The following RWDD2B variants were observed in gnomAD, a reference collection of about 807,000 sequenced individuals.
The protein encoded by RWDD2B is RWD domain containing 2B, also known as RWD domain-containing protein 2B.
RWDD2B carries 36 observed loss-of-function variants against 33.6 expected under a neutral mutation model. The observed-to-expected ratio is 1.07, with a 90% CI of 0.82 to 1.42. The LOEUF is 1.42. Among genes scored for constraint, RWDD2B ranks in the 40% most tolerant of loss-of-function variants. The pLI, the probability that RWDD2B is intolerant of heterozygous loss-of-function variation, is 0.00. For synonymous variants in RWDD2B, 126 were observed against 133.1 expected, an observed-to-expected ratio of 0.95 and a Z score of 0.37; for missense variants, 364 against 377.5, an observed-to-expected ratio of 0.96 and a Z score of 0.30.
chr21:29,012,759 G>A (rs2084870802), intron 1 of RWDD2B, among the ~76,000 whole-genome samples: 1 of 137,446 alleles, frequency 7.3e-6, no homozygotes, highest in African/African-American at 2.5e-5. Flanking sequence ...AAACACCCAA[G>A]AATGATCAAT....
intron 3 of RWDD2B, 30 bp downstream of exon 3, chr21:29,008,210 C>T (rs999536292): frequency 6.8e-6 from 11 of 1,612,348 alleles, no homozygotes; most frequent in South Asian, 3.3e-5. Context: ...ATTTTGACCT[C>T]CAAAGTTGGC....
chr21:29,012,331 G>A (rs942734596), intron 1 of RWDD2B, among the ~76,000 whole-genome samples: 1 of 152,158 alleles, frequency 6.6e-6, no homozygotes, highest in East Asian at 1.9e-4. Context: ...GGAATAGAAA[G>A]GGGGGAAAGG....
chr21:29,014,722 G>A (rs2084881280), intron 1 of RWDD2B, among the ~76,000 whole-genome samples: 1 of 152,202 alleles, frequency 6.6e-6, no homozygotes, highest in Non-Finnish European at 1.5e-5. Context: ...TCAGGAGGCT[G>A]AGGCAGGAGA....
At chr21:29,016,967 CTTTTT>C (rs34630060) in intron 1 of RWDD2B, among the ~76,000 whole-genome samples, 1 of 150,708 alleles carries the variant, frequency 6.6e-6, no homozygotes, top group Non-Finnish European at 1.5e-5. Flanking sequence ...TTAAAAAAAC[CTTTTT>C]TTTTGAGACA....
intron 1 of RWDD2B, among the ~76,000 whole-genome samples, chr21:29,018,917 T>G (rs76257167): frequency 0.045 from 6,797 of 152,326 alleles, 175 homozygotes; most frequent in Middle Eastern, 0.12. Flanking sequence ...TTGCAGATTT[T>G]TTTTTGAAGA....
rs367609704 is a variant in RWDD2B at position 29,008,370 on chromosome 21, C to A, written c.294+25G>T. The A allele has an allele frequency of 1.7e-5, 28 of 1,612,444 alleles. No homozygotes were observed. The African/African-American group carries it at 3.1e-4, about 18-fold the overall frequency. On this transcript the variant is annotated intron_variant, in intron 2 of 4. Coordinates refer to ENST00000493196, the MANE Select transcript of RWDD2B (RefSeq NM_016940.3). ...GTTTTAAGTCTCAACATGTTTCAAT[C>A]CCTCTAAAAGCAAAACTGAATTACC...
chr21:29,007,944 T>C lies in RWDD2B; in HGVS notation c.542A>G (p.Gln181Arg). The C allele has an allele frequency of 6.2e-7, 1 of 1,614,256 alleles. No homozygotes were observed. The highest frequency in any genetic ancestry group is 8.5e-7 in the Non-Finnish European group (1 of 1,180,042). Residue 181 changes from glutamine to arginine, a missense_variant, in exon 4 of 5, where the codon CAG becomes CGG. Physicochemically the swap from Gln to Arg is conservative, Grantham distance 43. Transcript: ENST00000493196. ...TCTCGTGAAGATGAGGTCAACTGAC[T>C]GGACTGTGCTTCCTGTGGTGGGTGA... is the stretch of plus-strand genomic sequence containing the variant. ...SSSPTTGSTV[Q>R]SVDLIFTRLW...
rs2084822116 is a variant in RWDD2B at position 29,005,120 on chromosome 21, GT to G, written c.*1296del. On this transcript the variant is annotated 3_prime_UTR_variant, in exon 5 of 5. Coordinates refer to ENST00000493196, the MANE Select transcript of RWDD2B (RefSeq NM_016940.3). ...GGGTGGTGTGTTTATTTAATGCTAG[GT>G]CAATTTGGCAAAAATAAATGTACAG... 6.6e-6 allele frequency: 1 copy of G among 152,138 alleles called. No homozygotes were observed. The highest frequency in any genetic ancestry group is 2.4e-5 in the African/African-American group (1 of 41,416). 9.4% of individuals were successfully genotyped at this position (152,138 alleles called of 1,614,324 possible).
intron 1 of RWDD2B, among the ~76,000 whole-genome samples, chr21:29,013,735 G>A (rs1380823065): frequency 6.6e-6 from 1 of 150,898 alleles, no homozygotes; most frequent in African/African-American, 2.4e-5. Context: ...AGAAAAAGAC[G>A]ATATGTTTAT....
intron 1 of RWDD2B, among the ~76,000 whole-genome samples, chr21:29,011,777 C>T (rs1343228671): frequency 7.3e-6 from 1 of 137,066 alleles, no homozygotes; most frequent in Non-Finnish European, 1.6e-5. Flanking sequence ...GGGGGTCAGC[C>T]CCCCGCCCGG....
At chr21:29,015,299 T>C (rs1182148743) in intron 1 of RWDD2B, among the ~76,000 whole-genome samples, 1 of 146,466 alleles carries the variant, frequency 6.8e-6, no homozygotes, top group East Asian at 2.0e-4. Flanking sequence ...GGTGCAATCT[T>C]GGCTTATTGC....
intron 1 of RWDD2B, among the ~76,000 whole-genome samples, chr21:29,016,771 T>G (rs574266469): frequency 6.6e-6 from 1 of 152,264 alleles, no homozygotes; most frequent in Admixed American, 6.5e-5. Context: ...ATTGCCAAGG[T>G]GCGACTCCTG....
intron 1 of RWDD2B, among the ~76,000 whole-genome samples, chr21:29,013,704 A>T (rs2084876169): frequency 6.6e-6 from 1 of 151,926 alleles, no homozygotes; most frequent in Admixed American, 6.6e-5. Context: ...AAAAAAAAAA[A>T]AAGAAATTAA....
In RWDD2B at chr21:29,007,770, A is replaced by T. The variant is rs1450723624; in HGVS notation, c.716T>A (p.Phe239Tyr). 2 of 1,612,956 alleles carry T rather than the reference A, an allele frequency of 1.2e-6. No individual in the cohort carries two copies. The highest frequency in any genetic ancestry group is 4.5e-5 in the East Asian group (2 of 44,884). ...VEGPQSACEEFWSRLRKLNWK... is the reference protein window; with the variant it reads ...VEGPQSACEEYWSRLRKLNWK... ...ATATGTAAAAGCAAACCTTGACCAG[A>T]ATTCTTCACAGGCACTTTGTGGGCC... Residue 239 changes from phenylalanine to tyrosine, a missense_variant, in exon 4 of 5, where the codon TTC becomes TAC. Transcript: ENST00000493196.
chr21:29,006,589 C>A lies in RWDD2B; in HGVS notation c.788G>T (p.Gly263Val). 1 of 1,613,832 alleles carries A rather than the reference C, an allele frequency of 6.2e-7. No individual in the cohort carries two copies. The highest frequency in any genetic ancestry group is 8.5e-7 in the Non-Finnish European group (1 of 1,179,858). ...TTGTCTTTCCGTTTCATCATTTGTA[C>A]CATCAAAAGGAATGTCTTCTCGATG... is the stretch of plus-strand genomic sequence containing the variant. ...IRHREDIPFD[G>V]TNDETERQRK... Residue 263 changes from glycine (G) to valine (V), a missense_variant, in exon 5 of 5, where the codon GGT becomes GTT. Coordinates refer to ENST00000493196, the MANE Select transcript of RWDD2B (RefSeq NM_016940.3).
rs771250560 is a variant in RWDD2B, at chr21:29,006,186, T to C, written c.*231A>G. 2.9e-5 allele frequency: 11 copies of C among 382,156 alleles called. No individual in the cohort carries two copies. The highest frequency in any genetic ancestry group is 4.2e-5 in the Non-Finnish European group (9 of 213,966). 23.7% of individuals were successfully genotyped at this position (382,156 alleles called of 1,614,324 possible). On this transcript the variant is annotated 3_prime_UTR_variant, in exon 5 of 5. Transcript: ENST00000493196. ...TTTCTTTTTCAAAATGGGCAGCTGA[T>C]ATGTGAAGAAATATCTAACAACAAT...
intron 1 of RWDD2B, among the ~76,000 whole-genome samples, chr21:29,014,714 A>G (rs923527578): frequency 6.6e-6 from 1 of 152,132 alleles, no homozygotes. Context: ...CCAGCTACTC[A>G]GGAGGCTGAG....
chr21:29,017,958 G>C (rs2084898280), intron 1 of RWDD2B, among the ~76,000 whole-genome samples: 1 of 152,220 alleles, frequency 6.6e-6, no homozygotes, highest in Non-Finnish European at 1.5e-5. Context: ...GTTGGGACTA[G>C]TAAAGCATGG....
chr21:29,019,346 ACCGG>A, exon 1 of RWDD2B: 1 of 1,055,818 alleles, frequency 9.5e-7, no homozygotes, highest in South Asian at 1.4e-5. Context: ...CTGGCGACCT[ACCGG>A]AAAAAAAAAA....
Sources: allele counts gnomAD v4.1 joint callset (sites outside exome capture counted in the v4.1 genomes callset), GRCh38; gene constraint gnomAD v4.1.1; transcripts MANE v1.5; gene names NCBI Gene and HGNC (gene_info 2026-07-23, HGNC 2026-07-21).